GDA: variants seen among roughly 807,000 people sequenced by gnomAD.
GDA encodes the protein guanine deaminase.
In GDA, 18 loss-of-function variants were observed where a neutral mutation model predicts 59.6. The observed-to-expected ratio is 0.30, with a 90% CI of 0.21 to 0.45. GDA has a LOEUF of 0.45. Among genes scored for constraint, GDA ranks in the 20% least tolerant of loss-of-function variants. GDA has a pLI of 1.00. For synonymous variants in GDA, 201 were observed against 201.1 expected (o/e 1.00, Z 0.00); for missense variants, 427 against 552.3 (o/e 0.77, Z 2.27).
downstream of GDA, among the ~76,000 whole-genome samples, chr9:72,258,908 G>C (rs546200772): frequency 4.7e-3 from 722 of 152,306 alleles, 1 homozygote; most frequent in African/African-American, 0.017. Flanking sequence ...CACTGCTTTA[G>C]CTTCTAGGCT....
rs1840547153 is a variant in GDA at position 72,250,164 on chromosome 9, C to T, written c.*1822C>T. On this transcript the variant is annotated 3_prime_UTR_variant, in exon 14 of 14. Coordinates refer to ENST00000358399, the MANE Select transcript of GDA (RefSeq NM_004293.5). ...AGCAAAAATCTTCAGCTTTATCACTCAACCCCTGCCAAAGGAACTTGATTA... is the reference window on the plus strand; with the variant it reads ...AGCAAAAATCTTCAGCTTTATCACTTAACCCCTGCCAAAGGAACTTGATTA... 1.0e-6 allele frequency: 1 copy of T among 984,478 alleles called. No individual in the cohort carries two copies. The highest frequency in any genetic ancestry group is 1.1e-4 in the East Asian group (1 of 8,816). 61.0% of individuals were successfully genotyped at this position (984,478 alleles called of 1,614,324 possible). A position where few individuals can be genotyped will look rare whatever the true frequency, so the allele number is the denominator to read the frequency against.
chr9:72,187,833 C>G (rs1226534410), intron 1 of GDA, among the ~76,000 whole-genome samples: 2 of 152,154 alleles, frequency 1.3e-5, no homozygotes, highest in Non-Finnish European at 2.9e-5. Flanking sequence ...AAAGGCTGTT[C>G]TGATGAGATC....
At chr9:72,206,969 T>G (rs1834802190) in intron 3 of GDA, among the ~76,000 whole-genome samples, 1 of 152,062 alleles carries the variant, frequency 6.6e-6, no homozygotes, top group Non-Finnish European at 1.5e-5. Context: ...GAACAATGCC[T>G]TAGCTGTAGA....
intron 2 of GDA, among the ~76,000 whole-genome samples, chr9:72,200,330 C>T (rs1474724506): frequency 6.6e-6 from 1 of 151,680 alleles, no homozygotes; most frequent in African/African-American, 2.4e-5. Flanking sequence ...CTTCTCCCTT[C>T]TCCTTCTTCT....
intron 1 of GDA, among the ~76,000 whole-genome samples, chr9:72,127,709 T>C (rs779061489): frequency 3.3e-5 from 5 of 151,814 alleles, no homozygotes; most frequent in Non-Finnish European, 5.9e-5. Flanking sequence ...GTGGGTTTAG[T>C]TGGTCTTTCC....
chr9:72,131,663 A>AC (rs76635466), intron 1 of GDA, among the ~76,000 whole-genome samples: 3 of 151,808 alleles, frequency 2.0e-5, no homozygotes, highest in Non-Finnish European at 4.4e-5. Flanking sequence ...ACACACACAC[A>AC]AACACACACA....
chr9:72,247,711 G>A (rs1347035917), intron 13 of GDA, among the ~76,000 whole-genome samples: 1 of 152,088 alleles, frequency 6.6e-6, no homozygotes, highest in African/African-American at 2.4e-5. Context: ...CAACCCTCTT[G>A]TACTCATTCG....
At chr9:72,120,424 C>T (rs1564144175) in intron 1 of GDA, among the ~76,000 whole-genome samples, 1 of 152,110 alleles carries the variant, frequency 6.6e-6, no homozygotes, top group Non-Finnish European at 1.5e-5. Context: ...AAACTCTTGA[C>T]CTCAGTTGAT....
chr9:72,133,301 A>T (rs7867610), intron 1 of GDA, among the ~76,000 whole-genome samples: 9 of 112,328 alleles, frequency 8.0e-5, no homozygotes, highest in African/African-American at 2.3e-4. Context: ...AAAAAAAAAA[A>T]AAAAAAAAAT....
rs1304960886 is a variant in GDA at position 72,251,939 on chromosome 9, A to G, written c.*3597A>G. On this transcript the variant is annotated 3_prime_UTR_variant, in exon 14 of 14. Transcript: ENST00000358399. ...AATTCCAAGAGGGCTTTCACAGTCC[A>G]CAGGGTTCAAATGACTTGGGTAACA... The G allele has an allele frequency of 2.6e-5, 4 of 152,242 alleles. No individual in the cohort carries two copies. The highest frequency in any genetic ancestry group is 5.9e-5 in the Non-Finnish European group (4 of 68,020). 9.4% of individuals were successfully genotyped at this position (152,242 alleles called of 1,614,324 possible). A position where few individuals can be genotyped will look rare whatever the true frequency, so the allele number is the denominator to read the frequency against.
intron 6 of GDA, among the ~76,000 whole-genome samples, chr9:72,221,908 G>A (rs2131568538): frequency 6.6e-6 from 1 of 152,318 alleles, no homozygotes; most frequent in Admixed American, 6.5e-5. Context: ...TTTTATGGCT[G>A]CATAGTATTC....
intron 1 of GDA, among the ~76,000 whole-genome samples, chr9:72,168,709 T>C (rs1829617499): frequency 6.6e-6 from 1 of 152,254 alleles, no homozygotes; most frequent in Non-Finnish European, 1.5e-5. Context: ...GCACTTACTA[T>C]GTGCCAGGCA....
chr9:72,170,299 T>G (rs1031607403), intron 1 of GDA, among the ~76,000 whole-genome samples: 3 of 152,184 alleles, frequency 2.0e-5, no homozygotes, highest in African/African-American at 7.2e-5. Context: ...CAAAAATGGC[T>G]CTCCCAGTTC....
chr9:72,202,510 A>T, intron 2 of GDA, 61 bp from the exon 3 acceptor site: 1 of 1,157,304 alleles, frequency 8.6e-7, no homozygotes, highest in Non-Finnish European at 1.2e-6. Flanking sequence ...AATGTGATTT[A>T]AAAATATGGG....
intron 4 of GDA, among the ~76,000 whole-genome samples, chr9:72,212,124 A>C (rs987217246): frequency 6.6e-6 from 1 of 152,220 alleles, no homozygotes; most frequent in Non-Finnish European, 1.5e-5. Context: ...ACTAGGTTCT[A>C]GTGCTGAGAG....
intron 1 of GDA, among the ~76,000 whole-genome samples, chr9:72,156,674 T>G (rs891435548): frequency 6.6e-6 from 1 of 152,210 alleles, no homozygotes; most frequent in African/African-American, 2.4e-5. Context: ...CTGAATTTGA[T>G]CAGTCCATGG....
At position 72,250,046 on chromosome 9, in the gene GDA, A is replaced by G; in HGVS notation, c.*1704A>G. 1 of 972,890 alleles carries G rather than the reference A, an allele frequency of 1.0e-6. No individual in the cohort carries two copies. The highest frequency in any genetic ancestry group is 4.8e-5 in the South Asian group (1 of 21,030). The allele number at this position is 972,890 out of a possible 1,614,324, so 60.3% of individuals were successfully genotyped here. A position where few individuals can be genotyped will look rare whatever the true frequency, so the allele number is the denominator to read the frequency against. ...TGAGATAAGTATCTTAGTAAACCCAATTTCCAGTCTTAGTCTGTATTTCCA... is the reference window on the plus strand; with the variant it reads ...TGAGATAAGTATCTTAGTAAACCCAGTTTCCAGTCTTAGTCTGTATTTCCA... On this transcript the variant is annotated 3_prime_UTR_variant, in exon 14 of 14. Coordinates refer to ENST00000358399, the MANE Select transcript of GDA (RefSeq NM_004293.5).
chr9:72,198,846 G>GATATATATATATATATATAT (rs141544036), intron 2 of GDA, among the ~76,000 whole-genome samples: 1,942 of 128,472 alleles, frequency 0.015, 45 homozygotes, highest in South Asian at 0.044. Context: ...TATATAGGGG[G>GATATATATATATATATATAT]ATATATATAT....
At chr9:72,227,431 T>C (rs927771960) in intron 8 of GDA, among the ~76,000 whole-genome samples, 7 of 152,174 alleles carry the variant, frequency 4.6e-5, no homozygotes, top group African/African-American at 1.7e-4. Flanking sequence ...GGCACTTACA[T>C]TGAAGCTAGG....
Sources: allele counts gnomAD v4.1 joint callset (sites outside exome capture counted in the v4.1 genomes callset), GRCh38; gene constraint gnomAD v4.1.1; transcripts MANE v1.5; gene names NCBI Gene and HGNC (gene_info 2026-07-23, HGNC 2026-07-21).